The following AFG2A variants were observed in gnomAD, a reference collection of about 807,000 sequenced individuals.
AFG2A encodes the protein ATPase family gene 2 protein homolog A.
chr4:123,170,189 C>A, the AFG2A span, among the ~76,000 whole-genome samples: 55 of 152,300 alleles, frequency 3.6e-4, no homozygotes, highest in East Asian at 6.2e-3. Flanking sequence ...TAATTACCTC[C>A]TTTTCCTAAT....
At chr4:123,279,365 A>G in the AFG2A span, among the ~76,000 whole-genome samples, 6 of 152,012 alleles carry the variant, frequency 3.9e-5, no homozygotes, top group African/African-American at 1.4e-4. Context: ...AGCCAGGATC[A>G]TGCCACGGCA....
At chr4:123,100,682 G>A in the AFG2A span, among the ~76,000 whole-genome samples, 1 of 151,878 alleles carries the variant, frequency 6.6e-6, no homozygotes, top group African/African-American at 2.4e-5. Context: ...TGCACATTGA[G>A]ATTGCTATTG....
At chr4:122,936,090 T>C in the AFG2A span, 295 of 1,593,370 alleles carry the variant, frequency 1.9e-4, no homozygotes, top group South Asian at 1.4e-3. Flanking sequence ...ATGTATTTTA[T>C]TTGTTACAGA....
chr4:123,200,523 T>A, the AFG2A span, among the ~76,000 whole-genome samples: 5 of 152,196 alleles, frequency 3.3e-5, no homozygotes, highest in Non-Finnish European at 5.9e-5. Context: ...GTTAAAACAT[T>A]TCTTTGAAGA....
At chr4:122,989,254 G>C in the AFG2A span, among the ~76,000 whole-genome samples, 1 of 152,142 alleles carries the variant, frequency 6.6e-6, no homozygotes, top group Non-Finnish European at 1.5e-5. Flanking sequence ...TTTCTGTAGG[G>C]AAAGCCCTTC....
chr4:123,185,428 A>C, the AFG2A span, among the ~76,000 whole-genome samples: 1 of 152,078 alleles, frequency 6.6e-6, no homozygotes, highest in African/African-American at 2.4e-5. Flanking sequence ...TTTGTCATGC[A>C]ACTCTGTGAG....
the AFG2A span, among the ~76,000 whole-genome samples, chr4:122,997,512 T>A: frequency 6.6e-6 from 1 of 152,230 alleles, no homozygotes; most frequent in African/African-American, 2.4e-5. Context: ...ATTGTGTTGA[T>A]ATAGCCCATT....
At chr4:123,100,638 T>C in the AFG2A span, among the ~76,000 whole-genome samples, 1 of 151,914 alleles carries the variant, frequency 6.6e-6, no homozygotes, top group Non-Finnish European at 1.5e-5. Context: ...CTTCTCCTAA[T>C]GCATTCCAGG....
the AFG2A span, among the ~76,000 whole-genome samples, chr4:123,039,898 G>GT: frequency 6.6e-6 from 1 of 151,964 alleles, no homozygotes; most frequent in Admixed American, 6.6e-5. Flanking sequence ...TCCCTTGCTA[G>GT]TTTCCCTACC....
chr4:122,953,178 A>G, the AFG2A span, among the ~76,000 whole-genome samples: 5 of 152,164 alleles, frequency 3.3e-5, no homozygotes, highest in Non-Finnish European at 7.3e-5. Flanking sequence ...CCTTGGTCAC[A>G]TGCTTCACCA....
At chr4:122,933,527 A>G in the AFG2A span, 4 of 1,591,416 alleles carry the variant, frequency 2.5e-6, no homozygotes, top group East Asian at 6.7e-5. Flanking sequence ...TTGTTTTCTT[A>G]AGTTTTAAGC....
chr4:123,200,990 A>G, the AFG2A span, among the ~76,000 whole-genome samples: 1 of 152,242 alleles, frequency 6.6e-6, no homozygotes, highest in Non-Finnish European at 1.5e-5. Flanking sequence ...ATTAACTCAC[A>G]AGGAAAGAAC....
the AFG2A span, among the ~76,000 whole-genome samples, chr4:123,030,845 A>T: frequency 6.6e-6 from 1 of 152,214 alleles, no homozygotes. Flanking sequence ...AAAATTTGGA[A>T]TCTAAAATGC....
chr4:123,134,767 A>G, the AFG2A span, among the ~76,000 whole-genome samples: 1 of 152,142 alleles, frequency 6.6e-6, no homozygotes, highest in East Asian at 1.9e-4. Context: ...CTCAGTAAGT[A>G]GAAGTCTGTC....
At chr4:122,933,605 C>A in the AFG2A span, 2 of 793,744 alleles carry the variant, frequency 2.5e-6, no homozygotes, top group Non-Finnish European at 2.0e-6. Flanking sequence ...TTCAAAATAG[C>A]TTTGAGAATA....
At chr4:122,989,203 A>T in the AFG2A span, among the ~76,000 whole-genome samples, 1 of 152,176 alleles carries the variant, frequency 6.6e-6, no homozygotes, top group East Asian at 1.9e-4. Context: ...TTGTCTGTGC[A>T]TGTGAAAAAG....
chr4:123,120,130 C>T, the AFG2A span, among the ~76,000 whole-genome samples: 2 of 152,152 alleles, frequency 1.3e-5, no homozygotes, highest in African/African-American at 4.8e-5. Flanking sequence ...ATCATCAACA[C>T]TGACGAGCCA....
the AFG2A span, among the ~76,000 whole-genome samples, chr4:122,935,388 G>T: frequency 6.6e-6 from 1 of 151,970 alleles, no homozygotes; most frequent in African/African-American, 2.4e-5. Context: ...TTGGTGGCTT[G>T]TCTACCTGTG....
the AFG2A span, among the ~76,000 whole-genome samples, chr4:123,228,436 AG>A: frequency 6.6e-5 from 10 of 151,928 alleles, no homozygotes; most frequent in Non-Finnish European, 1.2e-4. Context: ...GAAAAAAAAA[AG>A]ATAAGATACA....
Sources: allele counts gnomAD v4.1 joint callset (sites outside exome capture counted in the v4.1 genomes callset), GRCh38; gene constraint gnomAD v4.1.1; transcripts MANE v1.5; gene names NCBI Gene and HGNC (gene_info 2026-07-23, HGNC 2026-07-21).